DST: variants seen among roughly 807,000 people sequenced by gnomAD.
DST encodes bullous pemphigoid antigen.
DST carries 253 observed loss-of-function variants against 875.2 expected under a neutral mutation model. That is an observed-to-expected ratio of 0.29 (90% CI 0.26 to 0.32). The LOEUF (loss-of-function observed/expected upper bound fraction) is 0.32. Ranked by LOEUF, DST falls within the 10% of genes least tolerant of loss-of-function variation. The pLI, the probability that DST is intolerant of heterozygous loss-of-function variation, is 1.00. For missense variants in DST, 8,287 were observed against 9,111.6 expected (o/e 0.91, Z 3.68); for synonymous variants, 3,124 against 3,197.1 (o/e 0.98, Z 0.77).
In DST at chr6:56,887,426, G is replaced by C. The variant is rs116609308; in HGVS notation, c.417+12995C>G. On this transcript the variant is annotated intron_variant, in intron 3 of 103. Coordinates refer to ENST00000680361, the MANE Select transcript of DST (RefSeq NM_001374736.1). ...CAAACAGAATTCTGAGGTAAGCTAT[G>C]GCTGTGTCCTTTAAAATAAAGGAAG... 9.2e-3 allele frequency among the ~76,000 whole-genome samples: 1,396 copies of C among 152,268 alleles called. 23 individuals carry two copies. The highest frequency in any genetic ancestry group is 0.032 in the African/African-American group (1,327 of 41,544).
chr6:56,808,341 T>C (rs2099755692), intron 4 of DST, among the ~76,000 whole-genome samples: 1 of 152,110 alleles, frequency 6.6e-6, no homozygotes. Context: ...TATTTGCTAT[T>C]AAATACTCCA....
At chr6:56,561,269 C>T (rs1038513835) in intron 57 of DST, 39 bp downstream of exon 57, 2 of 1,561,176 alleles carry the variant, frequency 1.3e-6, no homozygotes, top group Admixed American at 3.8e-5. Flanking sequence ...CTAATCCATT[C>T]TCTTTCATGT....
intron 5 of DST, among the ~76,000 whole-genome samples, chr6:56,722,464 A>C (rs939824069): frequency 2.6e-5 from 4 of 152,106 alleles, no homozygotes; most frequent in African/African-American, 9.7e-5. Flanking sequence ...GCTCACTGCA[A>C]CCTCTGCCTC....
chr6:56,735,140 T>C (rs2099518244), intron 5 of DST, 88 bp downstream of exon 5: 1 of 852,726 alleles, frequency 1.2e-6, no homozygotes, highest in South Asian at 1.6e-5. Flanking sequence ...TTTTCAAAAG[T>C]TGTGCTTCAG....
chr6:56,759,424 C>T (rs2099612167), intron 4 of DST, among the ~76,000 whole-genome samples: 1 of 152,114 alleles, frequency 6.6e-6, no homozygotes, highest in Admixed American at 6.5e-5. Flanking sequence ...GCACTCCAGC[C>T]TGGGTGACAG....
In DST at chr6:56,608,161, C is replaced by T; in HGVS notation, c.6467G>A (p.Cys2156Tyr). 2 of 1,613,688 alleles carry T rather than the reference C, an allele frequency of 1.2e-6. No individual in the cohort carries two copies. The highest frequency in any genetic ancestry group is 1.7e-6 in the Non-Finnish European group (2 of 1,179,734). Residue 2156 changes from cysteine (C) to tyrosine (Y), a missense_variant, in exon 40 of 104, where the codon TGT becomes TAT. Transcript: ENST00000680361. ...AGAGAGCCATCTTCTGGCATTTTTA[C>T]AAGCTTCTAAATCTCCTAAATCTGG... ...KMPDLGDLEA[C>Y]KNARRWLSFC... is the part of the protein sequence containing the mutation.
At chr6:56,566,477 G>A (rs1402682594) in intron 55 of DST, among the ~76,000 whole-genome samples, 7 of 152,162 alleles carry the variant, frequency 4.6e-5, no homozygotes, top group Admixed American at 3.9e-4. Context: ...TTGTGCTTCC[G>A]AGGTGAGGCA....
chr6:56,491,464 T>C (rs529661862), intron 85 of DST, among the ~76,000 whole-genome samples: 2 of 152,314 alleles, frequency 1.3e-5, no homozygotes, highest in East Asian at 3.9e-4. Context: ...GGTACACCTC[T>C]CTCTTCCATG....
chr6:56,820,128 C>A (rs2099771338), intron 4 of DST, among the ~76,000 whole-genome samples: 1 of 152,202 alleles, frequency 6.6e-6, no homozygotes, highest in South Asian at 2.1e-4. Flanking sequence ...CCCAGCTCTG[C>A]CGTTTTCAAA....
intron 82 of DST, 76 bp from the exon 83 acceptor site, chr6:56,494,256 T>C: frequency 3.0e-6 from 4 of 1,348,446 alleles, no homozygotes; most frequent in Non-Finnish European, 4.0e-6. Flanking sequence ...AGGTCATCAG[T>C]CCCAAGCTCC....
At chr6:56,618,604 A>G in intron 36 of DST, 1 of 1,614,098 alleles carries the variant, frequency 6.2e-7, no homozygotes, top group Non-Finnish European at 8.5e-7. Flanking sequence ...TTTGTTCACG[A>G]TACTGTTGAA....
intron 36 of DST, chr6:56,619,329 C>A: frequency 3.7e-6 from 6 of 1,613,330 alleles, no homozygotes; most frequent in East Asian, 2.2e-5. Flanking sequence ...AGCATCTCTG[C>A]ACACTCATTA....
chr6:56,639,421 T>C, intron 21 of DST, 29 bp downstream of exon 21: 1 of 1,613,138 alleles, frequency 6.2e-7, no homozygotes, highest in Non-Finnish European at 8.5e-7. Context: ...AATGCAACCC[T>C]AGTATGCAAG....
chr6:56,769,638 A>C (rs1178660221), intron 4 of DST, among the ~76,000 whole-genome samples: 1 of 152,100 alleles, frequency 6.6e-6, no homozygotes, highest in African/African-American at 2.4e-5. Context: ...CAACATGGCA[A>C]AACCCCATCT....
intron 4 of DST, among the ~76,000 whole-genome samples, chr6:56,824,164 A>G (rs986617561): frequency 5.9e-5 from 9 of 152,102 alleles, no homozygotes; most frequent in Non-Finnish European, 1.2e-4. Context: ...GCGCGCCGCC[A>G]CGCCTGACTG....
chr6:56,824,962 G>C (rs2099778263), intron 4 of DST, among the ~76,000 whole-genome samples: 2 of 152,212 alleles, frequency 1.3e-5, no homozygotes, highest in South Asian at 4.1e-4. Flanking sequence ...GAAGTGAGGA[G>C]CCCCTCTGCC....
At chr6:56,468,872 A>G in intron 98 of DST, 110 bp downstream of exon 98, 1 of 825,652 alleles carries the variant, frequency 1.2e-6, no homozygotes, top group Non-Finnish European at 1.9e-6. Flanking sequence ...ACAATGTAGT[A>G]GCTAGGGAGA....
chr6:56,636,094 A>C (rs1277072090), intron 23 of DST, among the ~76,000 whole-genome samples: 1 of 152,128 alleles, frequency 6.6e-6, no homozygotes, highest in Non-Finnish European at 1.5e-5. Context: ...CAGTTCCTAA[A>C]TAAGAGACAC....
intron 22 of DST, 66 bp downstream of exon 22, chr6:56,639,193 A>C: frequency 7.4e-7 from 1 of 1,355,974 alleles, no homozygotes; most frequent in Non-Finnish European, 1.1e-6. Context: ...TCTCAGCAAT[A>C]AAAGAATCTG....
Sources: allele counts gnomAD v4.1 joint callset (sites outside exome capture counted in the v4.1 genomes callset), GRCh38; gene constraint gnomAD v4.1.1; transcripts MANE v1.5; gene names NCBI Gene and HGNC (gene_info 2026-07-23, HGNC 2026-07-21).